The following LINGO2 variants were observed in gnomAD, a reference collection of about 807,000 sequenced individuals.
LINGO2 encodes the protein leucine rich repeat and Ig domain containing 2.
Under a neutral mutation model 30.6 loss-of-function variants are expected in LINGO2, and 14 were observed. The ratio of observed to expected loss-of-function variants is 0.46; its 90% confidence interval spans 0.30 to 0.72. The LOEUF (loss-of-function observed/expected upper bound fraction) is 0.72, where lower values mean the gene tolerates loss of function less well. Ranked by LOEUF, LINGO2 falls within the 30% of genes least tolerant of loss-of-function variation. The pLI is 0.07. For missense variants in LINGO2, 729 were observed against 751.7 expected, an observed-to-expected ratio of 0.97 and a Z score of 0.35; for synonymous variants, 317 against 288.5, an observed-to-expected ratio of 1.10 and a Z score of -1.00.
intron 5 of LINGO2, among the ~76,000 whole-genome samples, chr9:27,997,386 A>T (rs1243326776): frequency 6.6e-6 from 1 of 152,098 alleles, no homozygotes; most frequent in Non-Finnish European, 1.5e-5. Flanking sequence ...GCACTTTGAG[A>T]TGTGCTCCCC....
At chr9:28,986,172 C>A in the LINGO2 span, among the ~76,000 whole-genome samples, 1 of 151,702 alleles carries the variant, frequency 6.6e-6, no homozygotes, top group Non-Finnish European at 1.5e-5. Flanking sequence ...ACTGTATATG[C>A]CTTGGTTCAT....
At chr9:28,791,344 A>G in the LINGO2 span, among the ~76,000 whole-genome samples, 1 of 152,088 alleles carries the variant, frequency 6.6e-6, no homozygotes, top group Non-Finnish European at 1.5e-5. Flanking sequence ...AATGATGACC[A>G]CCACCTCTGT....
At chr9:28,067,847 T>C (rs1315398578) in intron 4 of LINGO2, among the ~76,000 whole-genome samples, 1 of 152,200 alleles carries the variant, frequency 6.6e-6, no homozygotes, top group African/African-American at 2.4e-5. Context: ...GTAGATACGT[T>C]GGGCATTCTA....
chr9:28,002,766 G>A (rs1822026172), intron 5 of LINGO2, among the ~76,000 whole-genome samples: 1 of 149,792 alleles, frequency 6.7e-6, no homozygotes, highest in African/African-American at 2.5e-5. Context: ...GCCACTGTCT[G>A]TGTGGAGATG....
At chr9:28,928,403 C>T in the LINGO2 span, among the ~76,000 whole-genome samples, 1 of 152,132 alleles carries the variant, frequency 6.6e-6, no homozygotes, top group African/African-American at 2.4e-5. Context: ...CCTATCCTAA[C>T]TCTTACTCAG....
the LINGO2 span, among the ~76,000 whole-genome samples, chr9:29,184,781 T>G: frequency 6.6e-6 from 1 of 152,034 alleles, no homozygotes; most frequent in Admixed American, 6.6e-5. Context: ...AGAATGGATT[T>G]AATTGAAAAG....
intron 2 of LINGO2, among the ~76,000 whole-genome samples, chr9:28,384,240 C>T (rs1184766086): frequency 6.6e-6 from 1 of 150,540 alleles, no homozygotes; most frequent in Non-Finnish European, 1.5e-5. Context: ...TCTATAACTC[C>T]AAACACATAA....
chr9:28,946,798 G>A, the LINGO2 span, among the ~76,000 whole-genome samples: 1 of 152,056 alleles, frequency 6.6e-6, no homozygotes, highest in Admixed American at 6.6e-5. Context: ...CAAGACTATA[G>A]GCATGACTAC....
intron 5 of LINGO2, among the ~76,000 whole-genome samples, chr9:28,005,451 C>T (rs2119188433): frequency 6.6e-6 from 1 of 152,328 alleles, no homozygotes; most frequent in Non-Finnish European, 1.5e-5. Flanking sequence ...CTTTCCCCTT[C>T]TCTTGCCAGT....
chr9:28,150,716 T>C (rs1225335801), intron 4 of LINGO2, among the ~76,000 whole-genome samples: 1 of 152,182 alleles, frequency 6.6e-6, no homozygotes, highest in Non-Finnish European at 1.5e-5. Context: ...TTGTAAGTCT[T>C]AGAGAAAAGA....
rs545218481 is a variant in LINGO2, at chr9:28,541,761, T to A, written c.-364-65736A>T. Among the ~76,000 whole-genome samples the A allele has an allele frequency of 2.6e-5, 4 of 152,276 alleles. No homozygotes were observed. The South Asian group carries it at 8.3e-4, about 32-fold the overall frequency. On this transcript the variant is annotated intron_variant, in intron 1 of 5. Coordinates refer to ENST00000379992, the Ensembl canonical transcript of LINGO2. ...TACAGGGAGCAGATGGCCAATTTGCTATTAGAAAAATAGAACCCACCTATT... is the reference window on the plus strand; with the variant it reads ...TACAGGGAGCAGATGGCCAATTTGCAATTAGAAAAATAGAACCCACCTATT...
chr9:28,632,875 TATATGTAG>T (rs1211014039), intron 1 of LINGO2, among the ~76,000 whole-genome samples: 1,147 of 96,636 alleles, frequency 0.012, 21 homozygotes, highest in East Asian at 0.047. Flanking sequence ...TATATATATA[TATATGTAG>T]AGAGAGAGAG....
At chr9:28,368,503 C>T (rs183358093) in intron 3 of LINGO2, among the ~76,000 whole-genome samples, 48 of 152,108 alleles carry the variant, frequency 3.2e-4, no homozygotes, top group Non-Finnish European at 4.3e-4. Flanking sequence ...TTTTCATAAG[C>T]ATACTTTTAT....
rs78398046 is a variant in LINGO2 at position 28,319,721 on chromosome 9, C to T, written c.-245-24355G>A. 0.014 allele frequency among the ~76,000 whole-genome samples: 2,170 copies of T among 152,206 alleles called. 92 individuals carry two copies. The East Asian group carries it at 0.15, about 10-fold the overall frequency. ...AGGAAATGAGAATGAGAGGAGGCGA[C>T]TGATTACACAGGAGCTTGAGGCAAT... On this transcript the variant is annotated intron_variant, in intron 3 of 5. Coordinates refer to ENST00000379992, the Ensembl canonical transcript of LINGO2.
intron 4 of LINGO2, among the ~76,000 whole-genome samples, chr9:28,043,497 G>T (rs958827486): frequency 2.6e-5 from 4 of 152,150 alleles, no homozygotes; most frequent in African/African-American, 9.7e-5. Flanking sequence ...TTACGTAAAT[G>T]CATGTTTGCT....
At chr9:28,807,752 T>C in the LINGO2 span, among the ~76,000 whole-genome samples, 6 of 152,308 alleles carry the variant, frequency 3.9e-5, no homozygotes, top group Non-Finnish European at 7.4e-5. Context: ...ATTATAATCA[T>C]TGTGTAAAAT....
chr9:28,531,147 G>T (rs1821223732), intron 1 of LINGO2, among the ~76,000 whole-genome samples: 1 of 151,190 alleles, frequency 6.6e-6, no homozygotes, highest in Non-Finnish European at 1.5e-5. Flanking sequence ...AATTAAAAAT[G>T]AAAAAAGATT....
intron 4 of LINGO2, among the ~76,000 whole-genome samples, chr9:28,111,624 G>A (rs1335530260): frequency 6.6e-6 from 1 of 152,056 alleles, no homozygotes; most frequent in Non-Finnish European, 1.5e-5. Context: ...ACAAAAATGT[G>A]CTCCCCCTTT....
At chr9:29,169,686 T>C in the LINGO2 span, among the ~76,000 whole-genome samples, 1 of 152,108 alleles carries the variant, frequency 6.6e-6, no homozygotes, top group Non-Finnish European at 1.5e-5. Flanking sequence ...TTGGTGAAAA[T>C]GTAAATTAGT....
Sources: gnomAD v4.1 joint callset for allele counts (sites outside exome capture counted in the v4.1 genomes callset) on GRCh38, gnomAD v4.1.1 for gene constraint, MANE v1.5 for transcripts, NCBI Gene and HGNC (gene_info 2026-07-23, HGNC 2026-07-21) for gene names.